Variants in LUZP1 observed in about 807,000 individuals in gnomAD.
LUZP1 encodes filamin mechanobinding actin cross-linking protein.
A neutral mutation model predicts 71.3 loss-of-function variants in LUZP1; 25 were observed. That is an observed-to-expected ratio of 0.35 (90% confidence interval 0.26 to 0.49). LUZP1 has a LOEUF of 0.49. Among genes scored for constraint, LUZP1 ranks in the 20% least tolerant of loss-of-function variants. LUZP1 has a pLI of 0.99. For synonymous variants in LUZP1, 481 were observed against 506.4 expected, an observed-to-expected ratio of 0.95 and a Z score of 0.67; for missense variants, 1,142 against 1,300.8, an observed-to-expected ratio of 0.88 and a Z score of 1.88.
intron 2 of LUZP1, among the ~76,000 whole-genome samples, chr1:23,149,312 G>A (rs1190926692): frequency 6.6e-6 from 1 of 151,936 alleles, no homozygotes; most frequent in East Asian, 1.9e-4. Context: ...AGAGTACAGA[G>A]CACTATAAGA....
At chr1:23,141,597 TGCCACATGG>T (rs1644303598) in intron 2 of LUZP1, among the ~76,000 whole-genome samples, 2 of 152,246 alleles carry the variant, frequency 1.3e-5, no homozygotes, top group Admixed American at 6.5e-5. Context: ...GCCACCCCTC[TGCCACATGG>T]GCCACCAAAG....
At chr1:23,131,602 G>C (rs1644216117) in intron 2 of LUZP1, among the ~76,000 whole-genome samples, 1 of 152,168 alleles carries the variant, frequency 6.6e-6, no homozygotes, top group South Asian at 2.1e-4. Context: ...AAAAAAACGA[G>C]TTTGTTTCCT....
rs367680736 is a variant in LUZP1, at chr1:23,132,951, A to G, written c.-225-23824T>C. Among the ~76,000 whole-genome samples the G allele has an allele frequency of 3.1e-4, 47 of 152,376 alleles. No homozygotes were observed. The East Asian group carries it at 7.7e-3, about 25-fold the overall frequency. ...TTAGACCAAAACTGATCCAGAAAATACTACAGGACTCAGAAACTGAACCAC... is the reference window on the plus strand; with the variant it reads ...TTAGACCAAAACTGATCCAGAAAATGCTACAGGACTCAGAAACTGAACCAC... On this transcript the variant is annotated intron_variant, in intron 2 of 4. Coordinates refer to ENST00000302291, the Ensembl canonical transcript of LUZP1.
At chr1:23,111,047 A>G (rs1217508878) in intron 2 of LUZP1, among the ~76,000 whole-genome samples, 1 of 151,968 alleles carries the variant, frequency 6.6e-6, no homozygotes, top group African/African-American at 2.4e-5. Context: ...TAAAAATACA[A>G]AAATTAGCTG....
Position 23,156,295 on chromosome 1 carries a change from G to A in LUZP1, c.-226+12471C>T, listed in dbSNP as rs866087223. 1.6e-4 allele frequency among the ~76,000 whole-genome samples: 24 copies of A among 152,206 alleles called. No individual in the cohort carries two copies. In the Middle Eastern group the frequency reaches 0.017, roughly 108 times the overall value. On this transcript the variant is annotated intron_variant, in intron 2 of 4. Transcript: ENST00000302291. The stretch of plus-strand genomic sequence containing the variant: ...CTGGGGAGGCTGAGGCAGGAGAATC[G>A]CTTGAACCCAGGAGGCAGAAGTTGC...
At chr1:23,112,416 C>T (rs1644041539) in intron 2 of LUZP1, among the ~76,000 whole-genome samples, 1 of 152,188 alleles carries the variant, frequency 6.6e-6, no homozygotes, top group Non-Finnish European at 1.5e-5. Flanking sequence ...CCTTACAGAT[C>T]ACAGAGTCCA....
At chr1:23,113,524 T>C (rs1644051172) in intron 2 of LUZP1, among the ~76,000 whole-genome samples, 2 of 152,100 alleles carry the variant, frequency 1.3e-5, no homozygotes, top group African/African-American at 4.8e-5. Context: ...ACAACCCAGA[T>C]GCTGAAATTC....
chr1:23,094,048 C>A lies in LUZP1; in HGVS notation c.214G>T (p.Val72Leu), dbSNP rs1332199507. The stretch of plus-strand genomic sequence containing the variant: ...TCGTCTTTGCCTTCAATTCTCAGCA[C>A]CCGCTGGCGCAGCACTTCAATCTCC... The change falls in exon 4 of 5, where the codon GTG (valine) becomes TTG (leucine). Residue 72 changes from valine to leucine, a missense_variant. Coordinates refer to ENST00000302291, the Ensembl canonical transcript of LUZP1. The surrounding 1 kb of genome is among the most constrained non-coding windows in gnomAD (Gnocchi z 4.7). The A allele has an allele frequency of 6.2e-7, 1 of 1,614,104 alleles. No individual in the cohort carries two copies. Among genetic ancestry groups the A allele is most frequent in the African/African-American group, 1.3e-5 (1 of 74,942 alleles).
At chr1:23,095,167 G>C (rs2124603609) in intron 3 of LUZP1, among the ~76,000 whole-genome samples, 1 of 152,284 alleles carries the variant, frequency 6.6e-6, no homozygotes, top group African/African-American at 2.4e-5. Context: ...AATACCCCAA[G>C]GAAATAGAGA....
At chr1:23,136,682 G>T (rs933610273) in intron 2 of LUZP1, among the ~76,000 whole-genome samples, 5 of 152,220 alleles carry the variant, frequency 3.3e-5, no homozygotes, top group Non-Finnish European at 7.3e-5. Flanking sequence ...GCCGAGGCGG[G>T]TGGATCACGA....
intron 2 of LUZP1, among the ~76,000 whole-genome samples, chr1:23,145,191 A>G (rs1644332499): frequency 6.6e-6 from 1 of 151,794 alleles, no homozygotes; most frequent in African/African-American, 2.4e-5. Flanking sequence ...GTGAGCCACT[A>G]TGCCCAGCCT....
chr1:23,112,872 C>T (rs1644045685), intron 2 of LUZP1, among the ~76,000 whole-genome samples: 1 of 152,208 alleles, frequency 6.6e-6, no homozygotes, highest in Non-Finnish European at 1.5e-5. Context: ...TCTACCCAGT[C>T]TCTGGCTGAA....
At chr1:23,171,948 G>A (rs1298935321) in intron 1 of LUZP1, among the ~76,000 whole-genome samples, 1 of 152,198 alleles carries the variant, frequency 6.6e-6, no homozygotes. Flanking sequence ...CTTTGGCACA[G>A]GAAAGATCGG....
Position 23,121,581 on chromosome 1 carries a change from G to C in LUZP1, c.-225-12454C>G, listed in dbSNP as rs139525837. On this transcript the variant is annotated intron_variant, in intron 2 of 4. Coordinates refer to ENST00000302291, the Ensembl canonical transcript of LUZP1. Reference sequence around the variant, plus strand: ...AAAAATAAAACAAAATTAGTCAGGCGTAGTGGCACACACCTGTGGTCCCAG... The same window carrying C: ...AAAAATAAAACAAAATTAGTCAGGCCTAGTGGCACACACCTGTGGTCCCAG... 4.3e-3 allele frequency among the ~76,000 whole-genome samples: 661 copies of C among 152,186 alleles called. 10 individuals carry two copies. Among genetic ancestry groups the C allele is most frequent in the South Asian group, 9.3e-3 (45 of 4,822 alleles).
intron 2 of LUZP1, among the ~76,000 whole-genome samples, chr1:23,110,624 A>ACG (rs1410743934): frequency 5.8e-5 from 5 of 86,318 alleles, no homozygotes; most frequent in East Asian, 6.1e-4. Context: ...GCATGCATGA[A>ACG]CGCGCACACA....
rs191293035 is a variant in LUZP1, at chr1:23,092,453, C to T, written c.1809G>A (p.Ser603=). Residue 603 remains serine, a synonymous_variant, in exon 4 of 5, where the codon TCG becomes TCA. Transcript: ENST00000302291. ...GGCTTCTACAGCTATAAGGATACTT[C>T]GATAGAACAGGAGCCTTGGAATTCG... The T allele has an allele frequency of 1.2e-5, 19 of 1,614,044 alleles. No individual in the cohort carries two copies. In the African/African-American group the frequency reaches 2.0e-4, roughly 17 times the overall value.
chr1:23,156,228 A>C (rs1311882846), intron 2 of LUZP1, among the ~76,000 whole-genome samples: 1 of 152,048 alleles, frequency 6.6e-6, no homozygotes, highest in East Asian at 1.9e-4. Flanking sequence ...AAAAATACAA[A>C]AATTAGCCAG....
chr1:23,161,346 T>A (rs914724648), intron 2 of LUZP1, among the ~76,000 whole-genome samples: 3 of 152,206 alleles, frequency 2.0e-5, no homozygotes, highest in Non-Finnish European at 4.4e-5. Context: ...AGAAAAAGTA[T>A]CCCTGATATT....
chr1:23,139,952 G>GAA (rs562378628), intron 2 of LUZP1, among the ~76,000 whole-genome samples: 19 of 131,820 alleles, frequency 1.4e-4, no homozygotes, highest in Admixed American at 3.7e-4. Flanking sequence ...TCTGTCTCAA[G>GAA]AAAAAAAAAA....
Sources: allele counts gnomAD v4.1 joint callset (sites outside exome capture counted in the v4.1 genomes callset), GRCh38; gene constraint gnomAD v4.1.1; non-coding constraint Gnocchi (gnomAD v3.1); transcripts MANE v1.5; gene names NCBI Gene and HGNC (gene_info 2026-07-23, HGNC 2026-07-21).